Variants in MICAL3 observed in about 807,000 individuals in gnomAD.
The protein encoded by MICAL3 is microtubule associated monooxygenase, calponin and LIM domain containing 3.
A neutral mutation model predicts 207.4 loss-of-function variants in MICAL3; 62 were observed. The ratio of observed to expected loss-of-function variants is 0.30; its 90% confidence interval spans 0.24 to 0.37. The LOEUF is 0.37. MICAL3 is among the 10% of genes least tolerant of loss of function. The pLI is 1.00. For missense variants in MICAL3, 2,368 were observed against 2,635.6 expected (o/e 0.90, Z 2.22); for synonymous variants, 1,077 against 1,069.3 (o/e 1.01, Z -0.14).
At chr22:17,797,485 A>G (rs2061888875) in intron 29 of MICAL3, among the ~76,000 whole-genome samples, 1 of 152,070 alleles carries the variant, frequency 6.6e-6, no homozygotes, top group African/African-American at 2.4e-5. Flanking sequence ...GTGAGACCCT[A>G]TCTCTAAAAA....
intron 1 of MICAL3, among the ~76,000 whole-genome samples, chr22:17,933,599 G>A (rs1933374496): frequency 6.6e-6 from 1 of 152,160 alleles, no homozygotes; most frequent in Non-Finnish European, 1.5e-5. Context: ...AAAGCTAGCA[G>A]AAGGCAAGAA....
At chr22:17,972,412 C>G (rs1043369301) in intron 1 of MICAL3, among the ~76,000 whole-genome samples, 4 of 152,148 alleles carry the variant, frequency 2.6e-5, no homozygotes, top group African/African-American at 7.2e-5. Context: ...CTGGAGCGAA[C>G]CAGGCTAAGC....
intron 16 of MICAL3, among the ~76,000 whole-genome samples, chr22:17,877,799 T>C (rs889290231): frequency 3.9e-5 from 6 of 152,090 alleles, no homozygotes; most frequent in African/African-American, 1.2e-4. Context: ...AACTTCAAAT[T>C]GTTTCTCACT....
At chr22:17,965,970 C>T (rs1050953378) in intron 1 of MICAL3, among the ~76,000 whole-genome samples, 3 of 152,352 alleles carry the variant, frequency 2.0e-5, no homozygotes, top group African/African-American at 7.2e-5. Context: ...TCCATGTAGA[C>T]AGCTGTTCCC....
intron 20 of MICAL3, among the ~76,000 whole-genome samples, chr22:17,833,702 G>T (rs1923055332): frequency 6.6e-6 from 1 of 152,192 alleles, no homozygotes; most frequent in Non-Finnish European, 1.5e-5. Flanking sequence ...TGTGATTAGG[G>T]TGAGGCTTTG....
chr22:17,985,901 T>TTTTTG (rs369475188), intron 1 of MICAL3, among the ~76,000 whole-genome samples: 10,606 of 151,854 alleles, frequency 0.07, 792 homozygotes, highest in African/African-American at 0.19. Context: ...TCACTCTTGT[T>TTTTTG]TTTTGTTTTG....
At chr22:17,915,492 C>T (rs980678285) in intron 1 of MICAL3, among the ~76,000 whole-genome samples, 4 of 152,206 alleles carry the variant, frequency 2.6e-5, no homozygotes, top group South Asian at 2.1e-4. Context: ...CCAAGGCACT[C>T]GGGTCAGGTC....
chr22:17,921,882 C>T (rs1932807634), intron 1 of MICAL3, among the ~76,000 whole-genome samples: 2 of 152,128 alleles, frequency 1.3e-5, no homozygotes, highest in Admixed American at 1.3e-4. Context: ...TCAGCCTCTG[C>T]TGACACTAGG....
chr22:17,975,690 C>T (rs933401972), intron 1 of MICAL3, among the ~76,000 whole-genome samples: 6 of 152,196 alleles, frequency 3.9e-5, no homozygotes, highest in Admixed American at 2.6e-4. Context: ...CAAGTGTGTC[C>T]CCAAAAAACA....
At chr22:17,873,255 C>T (rs926788049) in intron 16 of MICAL3, among the ~76,000 whole-genome samples, 4 of 152,232 alleles carry the variant, frequency 2.6e-5, no homozygotes, top group African/African-American at 4.8e-5. Flanking sequence ...CCCCCATGCA[C>T]GCAGCAGTGC....
Position 17,842,063 on chromosome 22 carries a change from C to T in MICAL3, c.2606-46G>A, listed in dbSNP as rs373007804. On this transcript the variant is annotated intron_variant, in intron 19 of 31. Coordinates refer to ENST00000441493, the MANE Select transcript of MICAL3 (RefSeq NM_015241.3). ...CACTGCACTGAGGTCCAACCACAGA[C>T]GGGGCGTGGGGGTGGGGGCTGACAC... The T allele has an allele frequency of 5.1e-5, 79 of 1,551,116 alleles. No individual in the cohort carries two copies. The Middle Eastern group carries it at 5.3e-4, about 10-fold the overall frequency.
chr22:17,866,005 G>A lies in MICAL3; in HGVS notation c.2436C>T (p.Phe812=), dbSNP rs1254217681. ...GATAGCAGTAGTGTGGCTTACAGTA[G>A]AATTTACCTGCAGACAGCAAGAGGC... ...AYAYDIEDGK[F]YCKPHYCYRL... is the part of the protein sequence containing the mutation. The change falls in exon 18 of 32, where the codon TTC becomes TTT. Residue 812 remains phenylalanine (F), a synonymous_variant. Transcript: ENST00000441493. 6.2e-7 allele frequency: 1 copy of A among 1,613,056 alleles called. No individual in the cohort carries two copies. Among genetic ancestry groups the A allele is most frequent in the Non-Finnish European group, 8.5e-7 (1 of 1,179,046 alleles).
At position 17,793,411 on chromosome 22, in the gene MICAL3, C is replaced by T. The variant is rs889240083; in HGVS notation, c.5651-2110G>A. ...CTGCACGCAGGCGGGAGGCTCCTCA[C>T]CTGCATGCCTGCCCCTCTATCTGAT... On this transcript the variant is annotated intron_variant, in intron 29 of 31. Transcript: ENST00000441493. This position sits in a 1 kb window ranked among gnomAD's most constrained non-coding sequence, Gnocchi z 4.1. Among the ~76,000 whole-genome samples, 2 of 152,182 alleles carry T rather than the reference C, an allele frequency of 1.3e-5. No homozygotes were observed. Among genetic ancestry groups the T allele is most frequent in the Admixed American group, 6.5e-5 (1 of 15,292 alleles).
At chr22:17,984,829 C>G (rs1224761297) in intron 1 of MICAL3, among the ~76,000 whole-genome samples, 1 of 152,068 alleles carries the variant, frequency 6.6e-6, no homozygotes, top group Non-Finnish European at 1.5e-5. Context: ...ATGAGGAAAC[C>G]AAGGCAAAGG....
intron 1 of MICAL3, among the ~76,000 whole-genome samples, chr22:17,981,987 C>G (rs2146439436): frequency 6.6e-6 from 1 of 152,002 alleles, no homozygotes; most frequent in South Asian, 2.1e-4. Flanking sequence ...TGCCTGTAGC[C>G]CCAGCTACTT....
At chr22:17,945,008 C>CA (rs1933991825) in intron 1 of MICAL3, among the ~76,000 whole-genome samples, 1 of 138,048 alleles carries the variant, frequency 7.2e-6, no homozygotes. Flanking sequence ...ACTGGGGGAC[C>CA]TTTTTTTTTT....
chr22:17,868,988 C>T (rs1927444171), intron 17 of MICAL3, among the ~76,000 whole-genome samples: 1 of 152,186 alleles, frequency 6.6e-6, no homozygotes, highest in Admixed American at 6.5e-5. Context: ...AGAGCCAGAC[C>T]CCTCTCTGAG....
rs73392490 is a variant in MICAL3 at position 18,016,222 on chromosome 22, T to A, written c.-75+8059A>T. On this transcript the variant is annotated intron_variant, in intron 1 of 31. Transcript: ENST00000441493. ...AATTATTAACCATTAGCAAGAAGCA[T>A]AACAGTATAATGGTGTTGTAATTTG... Among the ~76,000 whole-genome samples, 1,371 of 152,330 alleles carry A rather than the reference T, an allele frequency of 9.0e-3. 22 individuals are homozygous for A. Among genetic ancestry groups the A allele is most frequent in the African/African-American group, 0.032 (1,314 of 41,578 alleles).
intron 1 of MICAL3, among the ~76,000 whole-genome samples, chr22:17,950,349 T>G (rs557363341): frequency 0.021 from 3,121 of 146,880 alleles, 130 homozygotes; most frequent in African/African-American, 0.069. Context: ...TTTTTTTTTT[T>G]TTTTTTTTTT....
Sources: allele counts gnomAD v4.1 joint callset (sites outside exome capture counted in the v4.1 genomes callset), GRCh38; gene constraint gnomAD v4.1.1; non-coding constraint Gnocchi (gnomAD v3.1); transcripts MANE v1.5; gene names NCBI Gene and HGNC (gene_info 2026-07-23, HGNC 2026-07-21).